Variants in TTN observed in about 807,000 individuals in gnomAD.
TTN encodes the protein connectin.
In TTN, 1,525 loss-of-function variants were observed where a neutral mutation model predicts 3,223.0. That is an observed-to-expected ratio of 0.47 (90% CI 0.45 to 0.49). The LOEUF is 0.49. TTN is among the 20% of genes least tolerant of loss of function. The probability of loss-of-function intolerance (pLI) is 0.00; values close to 1 mark genes in which losing one functional copy is unlikely to be tolerated. For synonymous variants in TTN, 14,094 were observed against 15,161.0 expected, an observed-to-expected ratio of 0.93 and a Z score of 5.17; for missense variants, 40,786 against 43,424.0, an observed-to-expected ratio of 0.94 and a Z score of 5.40.
chr2:178,571,403 C>G lies in TTN; in HGVS notation c.74729G>C (p.Gly24910Ala). 6.2e-7 allele frequency: 1 copy of G among 1,613,404 alleles called. No individual in the cohort carries two copies. The highest frequency in any genetic ancestry group is 1.7e-4 in the Middle Eastern group (1 of 6,056). ...TGTGACAACTGGAGTGCCAGGAGGACCAGGAACTTTGAATGGATATTGGGC... is the reference window on the plus strand; with the variant it reads ...TGTGACAACTGGAGTGCCAGGAGGAGCAGGAACTTTGAATGGATATTGGGC... ...TVAQYPFKVPGPPGTPVVTLS... is the reference protein window; with the variant it reads ...TVAQYPFKVPAPPGTPVVTLS... The change falls in exon 326 of 363, where the codon GGT becomes GCT. Residue 24910 changes from glycine (G) to alanine (A), a missense_variant. Physicochemically the swap from Gly to Ala is moderately conservative, Grantham distance 60. Coordinates refer to ENST00000589042, the MANE Select transcript of TTN (RefSeq NM_001267550.2).
In TTN at chr2:178,636,465, A is replaced by G. The variant is rs769308483; in HGVS notation, c.41262T>C (p.Gly13754=). ...CCAAACGTAAAACACAGGTGTATTC[A>G]CCAGCATCGGAAAGTTGAACATCAA... The part of the protein sequence containing the change: ...HIIDVQLSDA[G]EYTCVLRLGN... The change falls in exon 225 of 363, where the codon GGT becomes GGC. Residue 13754 remains glycine (G), a synonymous_variant. Transcript: ENST00000589042. The surrounding 1 kb of genome is among the most constrained non-coding windows in gnomAD (Gnocchi z 4.3). 2.0e-5 allele frequency: 33 copies of G among 1,613,292 alleles called. 1 individual carries two copies. The South Asian group carries it at 3.5e-4, about 17-fold the overall frequency.
At position 178,717,100 on chromosome 2, in the gene TTN, A is replaced by T. The variant is rs1313924560; in HGVS notation, c.25634T>A (p.Val8545Glu). The change falls in exon 88 of 363, where the codon GTA becomes GAA. Residue 8545 changes from valine (V) to glutamate (E), a missense_variant. By Grantham distance (121) the Val-to-Glu change is moderately radical. Transcript: ENST00000589042. ...GKDSCSAQLG[V>E]QEPPRFIKKL... is the part of the protein sequence containing the mutation. Reference sequence around the variant, plus strand: ...TCCTTCACTCTAACAAGTACCTTGTACACCCAGCTGAGCAGAACAAGAGTC... The same window carrying T: ...TCCTTCACTCTAACAAGTACCTTGTTCACCCAGCTGAGCAGAACAAGAGTC... 1 of 1,610,020 alleles carries T rather than the reference A, an allele frequency of 6.2e-7. No individual in the cohort carries two copies. Among genetic ancestry groups the T allele is most frequent in the Non-Finnish European group, 8.5e-7 (1 of 1,177,094 alleles).
chr2:178,571,695 T>C lies in TTN; in HGVS notation c.74437A>G (p.Thr24813Ala), dbSNP rs750126076. 3.1e-6 allele frequency: 5 copies of C among 1,613,510 alleles called. No homozygotes were observed. The South Asian group carries it at 4.4e-5, about 14-fold the overall frequency. The change falls in exon 326 of 363, where the codon ACT becomes GCT. Residue 24813 changes from threonine to alanine, a missense_variant. Physicochemically the swap from Thr to Ala is moderately conservative, Grantham distance 58. Coordinates refer to ENST00000589042, the MANE Select transcript of TTN (RefSeq NM_001267550.2). ...VIVLDKPGPP[T>A]GPVKMDEVTA... The stretch of plus-strand genomic sequence containing the variant: ...ACTTCATCCATTTTAACTGGTCCAG[T>C]TGGAGGCCCTGGTTTGTCAAGAACG...
Position 178,609,239 on chromosome 2 carries a change from A to C in TTN, c.52071T>G (p.Ile17357Met). The change falls in exon 273 of 363, where the codon ATT (isoleucine) becomes ATG (methionine). Residue 17357 changes from isoleucine to methionine, a missense_variant. Physicochemically the swap from Ile to Met is conservative, Grantham distance 10. Coordinates refer to ENST00000589042, the MANE Select transcript of TTN (RefSeq NM_001267550.2). ...CACTGACAGTACAAGGAGCTTTTGC[A>C]ATACCGTGGTCATTTTCAACTTTGA... ...YMIKVENDHG[I>M]AKAPCTVSVL... The C allele has an allele frequency of 2.6e-6, 4 of 1,526,180 alleles. No homozygotes were observed. The highest frequency in any genetic ancestry group is 3.5e-6 in the Non-Finnish European group (4 of 1,141,242). The allele number at this position is 1,526,180 out of a possible 1,614,324, so 94.5% of individuals were successfully genotyped here.
intron 240 of TTN, among the ~76,000 whole-genome samples, chr2:178,628,460 T>A (rs998946996): frequency 6.6e-6 from 1 of 152,090 alleles, no homozygotes; most frequent in Admixed American, 6.6e-5. Context: ...ATATTTTATT[T>A]TAAGAATTCA....
At chr2:178,635,331 T>A in intron 227 of TTN, 27 bp from the exon 228 acceptor site, 1 of 1,611,792 alleles carries the variant, frequency 6.2e-7, no homozygotes, top group Non-Finnish European at 8.5e-7. Flanking sequence ...TGAAGTAACA[T>A]AATGCTTTAG....
chr2:178,747,074 G>T, intron 47 of TTN: 2 of 1,612,488 alleles, frequency 1.2e-6, no homozygotes, highest in African/African-American at 1.3e-5. Context: ...CTCCCCTGGG[G>T]GTGTGGAATA....
chr2:178,537,724 C>G lies in TTN; in HGVS notation c.99483G>C (p.Met33161Ile), dbSNP rs1190762492. 6.2e-7 allele frequency: 1 copy of G among 1,613,794 alleles called. No homozygotes were observed. Among genetic ancestry groups the G allele is most frequent in the Non-Finnish European group, 8.5e-7 (1 of 1,179,780 alleles). ...SDGRTHTLTV[M>I]TEEQEDEGVY... ...CACCTTCATCTTCCTGTTCCTCTGT[C>G]ATTACTGTAAGAGTGTGTGTGCGTC... is the stretch of plus-strand genomic sequence containing the variant. Residue 33161 changes from methionine to isoleucine, a missense_variant, in exon 355 of 363, where the codon ATG (methionine) becomes ATC (isoleucine). Coordinates refer to ENST00000589042, the MANE Select transcript of TTN (RefSeq NM_001267550.2).
chr2:178,560,254 A>G lies in TTN; in HGVS notation c.85878T>C (p.Tyr28626=). The G allele has an allele frequency of 6.2e-7, 1 of 1,613,862 alleles. No homozygotes were observed. Among genetic ancestry groups the G allele is most frequent in the South Asian group, 1.1e-5 (1 of 91,082 alleles). Reference sequence around the variant, plus strand: ...GACTTAGGCCAGCAGCATTTTCTGCATAAACACGATATTCATATTCACATC... The same window carrying G: ...GACTTAGGCCAGCAGCATTTTCTGCGTAAACACGATATTCATATTCACATC... ...REGCEYEYRV[Y]AENAAGLSLP... Residue 28626 remains tyrosine (Y), a synonymous_variant, in exon 326 of 363, where the codon TAT becomes TAC. Transcript: ENST00000589042.
rs377290384 is a variant in TTN at position 178,578,712 on chromosome 2, A to T, written c.68228T>A (p.Val22743Glu). ...ATTGGGAGGTGGGGGAGCATCAGGC[A>T]CATCTAGAAAAAAGTAGATAATGCA... ...EPIVARHPFD[V>E]PDAPPPPNIV... Residue 22743 changes from valine to glutamate, a missense_variant, in exon 321 of 363, where the codon GTG becomes GAG. Transcript: ENST00000589042. 2.5e-6 allele frequency: 4 copies of T among 1,608,900 alleles called. No homozygotes were observed. Among genetic ancestry groups the T allele is most frequent in the Non-Finnish European group, 3.4e-6 (4 of 1,178,402 alleles).
Position 178,591,624 on chromosome 2 carries a change from G to T in TTN, c.60195C>A (p.Ile20065=), listed in dbSNP as rs990501984. 10 of 1,613,174 alleles carry T rather than the reference G, an allele frequency of 6.2e-6. No individual in the cohort carries two copies. The highest frequency in any genetic ancestry group is 3.3e-5 in the Admixed American group (2 of 59,970). Residue 20065 remains isoleucine (I), a synonymous_variant, in exon 303 of 363, where the codon ATC becomes ATA. Transcript: ENST00000589042. ...CTAGTTTTTCTTGACATTCTATCGG[G>T]ATAGTTGTGTCAGGGAGACCAAGAC... ...IVGLGLPDTT[I]PIECQEKLVP... is the part of the protein sequence containing the mutation.
intron 2 of TTN, 107 bp downstream of exon 2, chr2:178,804,445 C>A: frequency 9.1e-7 from 1 of 1,096,984 alleles, no homozygotes; most frequent in Non-Finnish European, 1.4e-6. Context: ...ACTAATTTTC[C>A]GAAGTGAAAG....
At chr2:178,536,870 G>A (rs1233134086) in intron 356 of TTN, 68 bp downstream of exon 356, 2 of 1,397,504 alleles carry the variant, frequency 1.4e-6, no homozygotes, top group East Asian at 2.4e-5. Context: ...ATTTCTTTCT[G>A]TTTAAAAGAA....
At position 178,666,844 on chromosome 2, in the gene TTN, C is replaced by A; in HGVS notation, c.35855G>T (p.Arg11952Ile). ...PEGETPIVKR[R>I]KTPSPTVPES... ...TGTACCTGTTGGTGATGGTGTTTTT[C>A]TTCTTTTAACAATAGGAGTTTCTCC... The change falls in exon 163 of 363, where the codon AGA (arginine) becomes ATA (isoleucine). Residue 11952 changes from arginine to isoleucine, a missense_variant. Arg to Ile is a moderately conservative substitution (Grantham distance 97). Coordinates refer to ENST00000589042, the MANE Select transcript of TTN (RefSeq NM_001267550.2). The A allele has an allele frequency of 1.3e-6, 2 of 1,571,214 alleles. No homozygotes were observed. The highest frequency in any genetic ancestry group is 1.7e-6 in the Non-Finnish European group (2 of 1,157,554).
Position 178,582,208 on chromosome 2 carries a change from T to G in TTN, c.66161A>C (p.Asp22054Ala). ...TEPAIAKNPY[D>A]PPGRCDPPVI... ...AGGAGGATCACAGCGTCCTGGTGGGTCTGCAGAAATTGATTGAAAAGTTAA... is the reference window on the plus strand; with the variant it reads ...AGGAGGATCACAGCGTCCTGGTGGGGCTGCAGAAATTGATTGAAAAGTTAA... Residue 22054 changes from aspartate (D) to alanine (A), a missense_variant and splice_region_variant, in exon 315 of 363, where the codon GAC becomes GCC. Asp to Ala is a moderately radical substitution (Grantham distance 126). Coordinates refer to ENST00000589042, the MANE Select transcript of TTN (RefSeq NM_001267550.2). 6.3e-7 allele frequency: 1 copy of G among 1,589,892 alleles called. No homozygotes were observed. Among genetic ancestry groups the G allele is most frequent in the South Asian group, 1.2e-5 (1 of 85,706 alleles).
rs112484898 is a variant in TTN at position 178,635,717 on chromosome 2, T to TA, written c.41609-3dup. 1.3e-6 allele frequency: 2 copies of TA among 1,589,474 alleles called. No individual in the cohort carries two copies. The highest frequency in any genetic ancestry group is 1.4e-5 in the African/African-American group (1 of 74,050). On this transcript the variant is annotated splice_region_variant and splice_polypyrimidine_tract_variant and intron_variant, in intron 226 of 362. Transcript: ENST00000589042. ...TCACCAGCCAATCTCTAATGACTTC[T>TA]ATATGAAAATAAGATCAGAAAAAAT...
At position 178,756,434 on chromosome 2, in the gene TTN, C is replaced by T; in HGVS notation, c.11042G>A (p.Cys3681Tyr). 1.2e-6 allele frequency: 2 copies of T among 1,613,812 alleles called. No homozygotes were observed. Among genetic ancestry groups the T allele is most frequent in the Non-Finnish European group, 1.7e-6 (2 of 1,179,826 alleles). ...AATGAAAGAATCATCTTTTAAAACA[C>T]AGAGGAATTGAGCCGTGTCACCGCA... ...VKCGDTAQFL[C>Y]VLKDDSFIDV... Residue 3681 changes from cysteine (C) to tyrosine (Y), a missense_variant, in exon 46 of 363, where the codon TGT becomes TAT. Coordinates refer to ENST00000589042, the MANE Select transcript of TTN (RefSeq NM_001267550.2).
In TTN at chr2:178,551,985, G is replaced by C; in HGVS notation, c.90915C>G (p.Tyr30305Ter). The change falls in exon 335 of 363, where the codon TAC becomes TAG. Residue 30305 changes from tyrosine to a stop codon, truncating the protein, a stop_gained. Transcript: ENST00000589042. LOFTEE classifies it high-confidence loss of function. ...YQFRVRAENR[Y>*]GVSQPLVSSI... Reference sequence around the variant, plus strand: ...TTGAGACAAGTGGTTGGCTGACTCCGTATCTGTTTTCTGCTCTCACTCTAA... The same window carrying C: ...TTGAGACAAGTGGTTGGCTGACTCCCTATCTGTTTTCTGCTCTCACTCTAA... 6.2e-7 allele frequency: 1 copy of C among 1,611,742 alleles called. No homozygotes were observed. The highest frequency in any genetic ancestry group is 8.5e-7 in the Non-Finnish European group (1 of 1,178,186).
Position 178,546,842 on chromosome 2 carries a change from G to A in TTN, c.94586C>T (p.Ala31529Val). Residue 31529 changes from alanine to valine, a missense_variant, in exon 341 of 363, where the codon GCC (alanine) becomes GTC (valine). Ala to Val is a moderately conservative substitution (Grantham distance 64). Transcript: ENST00000589042. ...CTTGCTGCCTCCATCATACGCTGGG[G>A]CAGACCAAATCAGTGATACTGTTGA... ...TRSTVSLIWS[A>V]PAYDGGSKVV... 1 of 1,606,816 alleles carries A rather than the reference G, an allele frequency of 6.2e-7. No homozygotes were observed. The highest frequency in any genetic ancestry group is 8.5e-7 in the Non-Finnish European group (1 of 1,174,420).
Sources: gnomAD v4.1 joint callset for allele counts (sites outside exome capture counted in the v4.1 genomes callset) on GRCh38, gnomAD v4.1.1 for gene constraint, Gnocchi (gnomAD v3.1) non-coding constraint, MANE v1.5 for transcripts, NCBI Gene and HGNC (gene_info 2026-07-23, HGNC 2026-07-21) for gene names.